Variants in SLC35D1 observed in about 807,000 individuals in gnomAD.
SLC35D1 encodes nucleotide sugar transporter SLC35D1.
A neutral mutation model predicts 46.7 loss-of-function variants in SLC35D1; 31 were observed. The observed-to-expected ratio is 0.66, with a 90% CI of 0.50 to 0.90. The LOEUF is 0.90. Ranked by LOEUF, SLC35D1 falls within the 40% of genes least tolerant of loss-of-function variation. SLC35D1 has a pLI of 0.00. For missense variants in SLC35D1, 397 were observed against 426.2 expected (o/e 0.93, Z 0.60); for synonymous variants, 195 against 164.6 (o/e 1.18, Z -1.41).
the SLC35D1 span, among the ~76,000 whole-genome samples, chr1:66,992,621 A>AC: frequency 3.3e-5 from 5 of 152,346 alleles, no homozygotes; most frequent in African/African-American, 7.2e-5. Flanking sequence ...TGAATGGCTC[A>AC]CACGTATTCA....
At position 67,003,739 on chromosome 1, in the gene SLC35D1, A is replaced by C. The variant is rs1301906798; in HGVS notation, c.*601T>G. The C allele has an allele frequency of 6.4e-6, 1 of 155,270 alleles. No homozygotes were observed. The highest frequency in any genetic ancestry group is 2.4e-5 in the African/African-American group (1 of 41,466). 9.6% of individuals were successfully genotyped at this position (155,270 alleles called of 1,614,324 possible). On this transcript the variant is annotated 3_prime_UTR_variant, in exon 12 of 12. Coordinates refer to ENST00000235345, the MANE Select transcript of SLC35D1 (RefSeq NM_015139.3). ...AAAAGAACATGTTTTCAAGGAATGC[A>C]CTCTGCTCATCCTATGAAAGTCAGG... is the stretch of plus-strand genomic sequence containing the variant.
At chr1:66,976,964 TTATG>T in the SLC35D1 span, among the ~76,000 whole-genome samples, 2 of 152,214 alleles carry the variant, frequency 1.3e-5, no homozygotes, top group African/African-American at 4.8e-5. Context: ...ACAGTTCATA[TTATG>T]TATGAGACAA....
chr1:67,027,844 G>A (rs1667943817), intron 8 of SLC35D1, among the ~76,000 whole-genome samples: 1 of 152,068 alleles, frequency 6.6e-6, no homozygotes, highest in Non-Finnish European at 1.5e-5. Context: ...TGATTCTCGT[G>A]CTTCAGTATC....
chr1:66,983,284 C>T, the SLC35D1 span, among the ~76,000 whole-genome samples: 1 of 152,176 alleles, frequency 6.6e-6, no homozygotes, highest in Non-Finnish European at 1.5e-5. Context: ...GCTTTTTGGA[C>T]TTGTTCCTAC....
the SLC35D1 span, among the ~76,000 whole-genome samples, chr1:66,979,016 G>A: frequency 1.9e-4 from 29 of 152,244 alleles, 1 homozygote; most frequent in East Asian, 3.1e-3. Context: ...TGGTATAATG[G>A]TATGACGTGA....
chr1:67,049,883 G>T, intron 5 of SLC35D1, 33 bp from the exon 6 acceptor site: 4 of 1,447,886 alleles, frequency 2.8e-6, no homozygotes, highest in South Asian at 1.2e-5. Flanking sequence ...ATACACACAT[G>T]ACTTTATTCC....
chr1:67,048,857 T>C lies in SLC35D1; in HGVS notation c.533+925A>G, dbSNP rs1037936503. ...TTAATAACCTAATAGAATATCTAAGTTATGGCATTTGTGACATATCTTATG... is the reference window on the plus strand; with the variant it reads ...TTAATAACCTAATAGAATATCTAAGCTATGGCATTTGTGACATATCTTATG... On this transcript the variant is annotated intron_variant, in intron 6 of 11. Transcript: ENST00000235345. 3.9e-4 allele frequency among the ~76,000 whole-genome samples: 60 copies of C among 152,328 alleles called. 1 individual carries two copies. Among genetic ancestry groups the C allele is most frequent in the African/African-American group, 1.4e-3 (58 of 41,566 alleles).
At chr1:67,040,300 A>G (rs952180882) in intron 8 of SLC35D1, among the ~76,000 whole-genome samples, 1 of 152,088 alleles carries the variant, frequency 6.6e-6, no homozygotes, top group Admixed American at 6.6e-5. Flanking sequence ...GCCCTTTGTC[A>G]CAAACTTTTA....
At chr1:67,053,199 C>T (rs1003829927) in intron 1 of SLC35D1, among the ~76,000 whole-genome samples, 2 of 152,106 alleles carry the variant, frequency 1.3e-5, no homozygotes, top group Non-Finnish European at 2.9e-5. Context: ...GCCGCTTGTC[C>T]CATCTTGTCC....
At chr1:66,990,509 C>T in the SLC35D1 span, among the ~76,000 whole-genome samples, 415 of 152,086 alleles carry the variant, frequency 2.7e-3, 2 homozygotes, top group African/African-American at 9.7e-3. Context: ...TCAAGCAATC[C>T]GCCTGCCCCA....
At chr1:67,033,150 G>A (rs1419321095) in intron 8 of SLC35D1, among the ~76,000 whole-genome samples, 1 of 152,002 alleles carries the variant, frequency 6.6e-6, no homozygotes, top group Non-Finnish European at 1.5e-5. Context: ...ATTCGCTGAT[G>A]GACACTCGAG....
chr1:67,008,041 T>A (rs1251366657), intron 11 of SLC35D1, among the ~76,000 whole-genome samples: 2 of 152,232 alleles, frequency 1.3e-5, no homozygotes, highest in Non-Finnish European at 2.9e-5. Context: ...ACATGCATAT[T>A]GAAAATAAGG....
intron 8 of SLC35D1, among the ~76,000 whole-genome samples, chr1:67,032,994 G>A (rs1266725789): frequency 6.6e-6 from 1 of 152,120 alleles, no homozygotes; most frequent in Non-Finnish European, 1.5e-5. Flanking sequence ...GAGAACACGT[G>A]AAGTTTGTTT....
rs772320974 is a variant in SLC35D1 at position 67,004,389 on chromosome 1, T to A, written c.1019A>T (p.Gln340Leu). ...GTCCAGCTTGTTATTAGCCTCTGACTGTTTGCTCAGCTGCTCTTCAGTGAA... is the reference window on the plus strand; with the variant it reads ...GTCCAGCTTGTTATTAGCCTCTGACAGTTTGCTCAGCTGCTCTTCAGTGAA... ...ITFTEEQLSK[Q>L]SEANNKLDIK... Residue 340 changes from glutamine (Q) to leucine (L), a missense_variant, in exon 12 of 12, where the codon CAG (glutamine) becomes CTG (leucine). Transcript: ENST00000235345. 1.2e-6 allele frequency: 2 copies of A among 1,614,006 alleles called. No individual in the cohort carries two copies. The highest frequency in any genetic ancestry group is 1.7e-6 in the Non-Finnish European group (2 of 1,179,974).
At chr1:66,977,908 A>G in the SLC35D1 span, among the ~76,000 whole-genome samples, 3 of 152,098 alleles carry the variant, frequency 2.0e-5, no homozygotes, top group South Asian at 6.2e-4. Flanking sequence ...CCTTCGAAAG[A>G]TGTGCTTGGG....
chr1:67,032,023 C>T (rs1012334058), intron 8 of SLC35D1: 67 of 979,504 alleles, frequency 6.8e-5, no homozygotes, highest in Non-Finnish European at 8.1e-5. Flanking sequence ...GAATGACCTA[C>T]CTGGTCATTC....
At chr1:66,981,936 C>CAA in the SLC35D1 span, 1 of 1,611,478 alleles carries the variant, frequency 6.2e-7, no homozygotes, top group South Asian at 1.1e-5. Flanking sequence ...ACCAGAGAAA[C>CAA]ATTTCTCTTT....
rs1645244894 is a variant in SLC35D1 at position 67,045,704 on chromosome 1, C to T, written c.636+1561G>A. 2.0e-5 allele frequency among the ~76,000 whole-genome samples: 3 copies of T among 152,286 alleles called. No homozygotes were observed. The East Asian group carries it at 5.8e-4, about 29-fold the overall frequency. ...ATAGATTGTACTAATATGGTAGCCA[C>T]TAGCCACATGTAGCTATTTCAATTT... On this transcript the variant is annotated intron_variant, in intron 7 of 11. Coordinates refer to ENST00000235345, the MANE Select transcript of SLC35D1 (RefSeq NM_015139.3).
intron 11 of SLC35D1, among the ~76,000 whole-genome samples, chr1:67,007,755 G>C (rs887050190): frequency 1.3e-5 from 2 of 152,028 alleles, no homozygotes; most frequent in African/African-American, 4.8e-5. Flanking sequence ...GAAGGGAAAG[G>C]GAAAATGAGG....
Sources: allele counts gnomAD v4.1 joint callset (sites outside exome capture counted in the v4.1 genomes callset), GRCh38; gene constraint gnomAD v4.1.1; transcripts MANE v1.5; gene names NCBI Gene and HGNC (gene_info 2026-07-23, HGNC 2026-07-21).